KCNQ2: variants seen among roughly 807,000 people sequenced by gnomAD.
KCNQ2 encodes the protein potassium voltage-gated channel subfamily KQT member 2.
A neutral mutation model predicts 84.8 loss-of-function variants in KCNQ2; 14 were observed. That is an observed-to-expected ratio of 0.17 (90% confidence interval 0.11 to 0.26). The LOEUF is 0.26. KCNQ2 is among the 10% of genes least tolerant of loss of function. The pLI, the probability that KCNQ2 is intolerant of heterozygous loss-of-function variation, is 1.00. For missense variants in KCNQ2, 788 were observed against 1,254.0 expected, an observed-to-expected ratio of 0.63 and a Z score of 5.61; for synonymous variants, 599 against 554.1, an observed-to-expected ratio of 1.08 and a Z score of -1.14.
At chr20:63,440,799 G>C (rs1694253670) in intron 5 of KCNQ2, among the ~76,000 whole-genome samples, 2 of 152,076 alleles carry the variant, frequency 1.3e-5, no homozygotes, top group Admixed American at 1.3e-4. Context: ...TGGGGGCCTT[G>C]GCTGCCACCA....
intron 10 of KCNQ2, among the ~76,000 whole-genome samples, chr20:63,426,986 C>T (rs981052480): frequency 3.3e-5 from 5 of 152,176 alleles, no homozygotes; most frequent in African/African-American, 1.2e-4. Flanking sequence ...TTTGGGAGGC[C>T]GAGACGGGCA....
intron 1 of KCNQ2, among the ~76,000 whole-genome samples, chr20:63,469,130 G>A (rs369418837): frequency 6.6e-6 from 1 of 152,222 alleles, no homozygotes; most frequent in Non-Finnish European, 1.5e-5. Context: ...CTGCAGGAGA[G>A]AGGCTGGAGC....
intron 15 of KCNQ2, among the ~76,000 whole-genome samples, chr20:63,412,943 G>A (rs760786998): frequency 1.3e-5 from 2 of 152,220 alleles, no homozygotes; most frequent in Admixed American, 6.5e-5. Context: ...GCCAAGGAGG[G>A]CAGGTAGAAG....
chr20:63,461,506 A>G (rs573983882), intron 1 of KCNQ2, among the ~76,000 whole-genome samples: 32 of 152,276 alleles, frequency 2.1e-4, no homozygotes, highest in African/African-American at 7.2e-4. Context: ...AGAATCACAC[A>G]AGGGGATCCT....
chr20:63,419,633 G>C lies in KCNQ2; in HGVS notation c.1287C>G (p.Cys429Trp). 1 of 1,611,386 alleles carries C rather than the reference G, an allele frequency of 6.2e-7. No individual in the cohort carries two copies. The highest frequency in any genetic ancestry group is 8.5e-7 in the Non-Finnish European group (1 of 1,179,526). ...SPCRGPLCGC[C>W]PGRSSQKVSL... ...TTCCGCGGTACCTAGAGCGTCCGGG[G>C]CAGCATCCACACAGGGGCCCTCTGC... Residue 429 changes from cysteine (C) to tryptophan (W), a missense_variant, in exon 12 of 17, where the codon TGC becomes TGG. Physicochemically the swap from Cys to Trp is radical, Grantham distance 215. This residue lies in a region of KCNQ2 where 202 missense variants were observed against 239.4 expected (regional missense o/e 0.84). Coordinates refer to ENST00000359125, the MANE Select transcript of KCNQ2 (RefSeq NM_172107.4).
At chr20:63,458,089 C>A (rs1373524426) in intron 1 of KCNQ2, among the ~76,000 whole-genome samples, 1 of 152,048 alleles carries the variant, frequency 6.6e-6, no homozygotes, top group Non-Finnish European at 1.5e-5. Context: ...CTGGCCCGCC[C>A]TCCCCGACCC....
chr20:63,462,263 G>A (rs574071352), intron 1 of KCNQ2, among the ~76,000 whole-genome samples: 4 of 146,970 alleles, frequency 2.7e-5, no homozygotes, highest in South Asian at 4.4e-4. Context: ...ACCTACCCCA[G>A]GCAGCAGGGA....
In KCNQ2 at chr20:63,407,064, C is replaced by T. The variant is rs2079966140; in HGVS notation, c.2199G>A (p.Val733=). ...TGCGCACCAGGGAGCCGTGGTCCCC[C>T]ACGGGGGAGGTGCCGTGGCCCTGGC... The part of the protein sequence containing the change: ...HPRQGHGTSP[V]GDHGSLVRIP... Residue 733 remains valine, a synonymous_variant, in exon 17 of 17, where the codon GTG becomes GTA. Coordinates refer to ENST00000359125, the MANE Select transcript of KCNQ2 (RefSeq NM_172107.4). The surrounding 1 kb of genome is among the most constrained non-coding windows in gnomAD (Gnocchi z 7.2). 5.9e-6 allele frequency: 9 copies of T among 1,523,958 alleles called. No individual in the cohort carries two copies. The South Asian group carries it at 1.1e-4, about 18-fold the overall frequency. The allele number at this position is 1,523,958 out of a possible 1,614,324, so 94.4% of individuals were successfully genotyped here.
intron 1 of KCNQ2, among the ~76,000 whole-genome samples, chr20:63,467,931 T>A (rs2082120090): frequency 6.6e-6 from 1 of 152,138 alleles, no homozygotes; most frequent in Admixed American, 6.5e-5. Context: ...TAAAACAGAT[T>A]TTCTCTGCTC....
chr20:63,414,417 T>C lies in KCNQ2; in HGVS notation c.1526-224A>G, dbSNP rs1297118440. 6.6e-6 allele frequency among the ~76,000 whole-genome samples: 1 copy of C among 152,048 alleles called. No homozygotes were observed. The highest frequency in any genetic ancestry group is 1.9e-4 in the East Asian group (1 of 5,138). Reference sequence around the variant, plus strand: ...CTGTGGCCACAGGGAGTGGCCGATATGGGGCGTCAAAGGACATTCTGGCCA... The same window carrying C: ...CTGTGGCCACAGGGAGTGGCCGATACGGGGCGTCAAAGGACATTCTGGCCA... On this transcript the variant is annotated intron_variant, in intron 13 of 16. Coordinates refer to ENST00000359125, the MANE Select transcript of KCNQ2 (RefSeq NM_172107.4). The surrounding 1 kb of genome is among the most constrained non-coding windows in gnomAD (Gnocchi z 6.6).
intron 10 of KCNQ2, 130 bp from the exon 11 acceptor site, chr20:63,424,336 G>A: frequency 8.9e-7 from 1 of 1,125,328 alleles, no homozygotes; most frequent in Non-Finnish European, 1.3e-6. Flanking sequence ...AAAAGGCTGG[G>A]CAGGGGTGGA....
At chr20:63,454,461 GC>G (rs1169179002) in intron 1 of KCNQ2, among the ~76,000 whole-genome samples, 2 of 152,230 alleles carry the variant, frequency 1.3e-5, no homozygotes, top group African/African-American at 4.8e-5. Context: ...GTGCGTCTGG[GC>G]CCGTCTGGGG....
At chr20:63,431,578 G>A (rs955001205) in intron 8 of KCNQ2, among the ~76,000 whole-genome samples, 2 of 152,116 alleles carry the variant, frequency 1.3e-5, no homozygotes, top group Admixed American at 1.3e-4. Context: ...TCCCAGGAAA[G>A]ACAAGCAGGG....
chr20:63,446,816 GCAGGAGAAAAC>G lies in KCNQ2; in HGVS notation c.307_317del (p.Val103ProfsTer13). ...TGGTGGAAAACACAGACAGCACGAG[GCAGGAGAAAAC>G]CAGGAGGAACCTGGGGGCAGGGAAC... On this transcript the variant is annotated frameshift_variant, in exon 2 of 17. Coordinates refer to ENST00000359125, the MANE Select transcript of KCNQ2 (RefSeq NM_172107.4). LOFTEE classifies it high-confidence loss of function. The surrounding 1 kb of genome is among the most constrained non-coding windows in gnomAD (Gnocchi z 5.5). 2 of 1,613,538 alleles carry G rather than the reference GCAGGAGAAAAC, an allele frequency of 1.2e-6. No individual in the cohort carries two copies. The highest frequency in any genetic ancestry group is 1.7e-6 in the Non-Finnish European group (2 of 1,179,966).
chr20:63,461,990 C>G (rs1033267822), intron 1 of KCNQ2, among the ~76,000 whole-genome samples: 7 of 126,012 alleles, frequency 5.6e-5, no homozygotes, highest in African/African-American at 1.9e-4. Context: ...GCACCTACCC[C>G]AGGCAGCAGG....
chr20:63,447,139 T>G (rs549645315), intron 1 of KCNQ2, among the ~76,000 whole-genome samples: 1 of 151,616 alleles, frequency 6.6e-6, no homozygotes, highest in Admixed American at 6.5e-5. Flanking sequence ...TTCTGTCTGG[T>G]TTCAGCCTGG....
rs898249703 is a variant in KCNQ2 at position 63,460,442 on chromosome 20, G to A, written c.296+11726C>T. 7.9e-5 allele frequency among the ~76,000 whole-genome samples: 12 copies of A among 152,014 alleles called. No individual in the cohort carries two copies. The highest frequency in any genetic ancestry group is 2.9e-4 in the African/African-American group (12 of 41,394). On this transcript the variant is annotated intron_variant, in intron 1 of 16. Transcript: ENST00000359125. This position sits in a 1 kb window ranked among gnomAD's most constrained non-coding sequence, Gnocchi z 5.4. ...GCACTCCTGACCGAGGCTCCCAGCA[G>A]GCCTTCCCCCCCACAGCCCCCTGAG...
At chr20:63,442,857 CCACCATCACCATCACCATTAT>C (rs2081238882) in intron 4 of KCNQ2, among the ~76,000 whole-genome samples, 1 of 26,168 alleles carries the variant, frequency 3.8e-5, no homozygotes. Flanking sequence ...ACCATCACCA[CCACCATCACCATCACCATTAT>C]CACCACCACC....
In KCNQ2 at chr20:63,414,806, C is replaced by T; in HGVS notation, c.1525+97G>A. ...AGGGGGTTCCCACTCCAAGAGCAAGCAAAAGCAGCTGCGACGCCACAGGGT... is the reference window on the plus strand; with the variant it reads ...AGGGGGTTCCCACTCCAAGAGCAAGTAAAAGCAGCTGCGACGCCACAGGGT... On this transcript the variant is annotated intron_variant, in intron 13 of 16. Coordinates refer to ENST00000359125, the MANE Select transcript of KCNQ2 (RefSeq NM_172107.4). The surrounding 1 kb of genome is among the most constrained non-coding windows in gnomAD (Gnocchi z 6.6). 1 of 1,219,662 alleles carries T rather than the reference C, an allele frequency of 8.2e-7. No individual in the cohort carries two copies. Among genetic ancestry groups the T allele is most frequent in the Admixed American group, 1.7e-5 (1 of 59,332 alleles). The allele number at this position is 1,219,662 out of a possible 1,614,324, so 75.6% of individuals were successfully genotyped here. A position where few individuals can be genotyped will look rare whatever the true frequency, so the allele number is the denominator to read the frequency against.
Sources: allele counts gnomAD v4.1 joint callset (sites outside exome capture counted in the v4.1 genomes callset), GRCh38; gene constraint gnomAD v4.1.1; regional missense constraint gnomAD v4.1.1; non-coding constraint Gnocchi (gnomAD v3.1); transcripts MANE v1.5; gene names NCBI Gene and HGNC (gene_info 2026-07-23, HGNC 2026-07-21).